RFC3: variants seen among roughly 807,000 people sequenced by gnomAD.
The protein encoded by RFC3 is replication factor C subunit 3.
A neutral mutation model predicts 45.1 loss-of-function variants in RFC3; 41 were observed. The observed-to-expected ratio is 0.91, with a 90% CI of 0.71 to 1.18. RFC3 has a LOEUF of 1.18. Ranked by LOEUF, RFC3 falls within the 50% of genes most tolerant of loss-of-function variation. The pLI is 0.00. For synonymous variants in RFC3, 149 were observed against 144.0 expected, an observed-to-expected ratio of 1.03 and a Z score of -0.25; for missense variants, 423 against 428.1, an observed-to-expected ratio of 0.99 and a Z score of 0.10.
chr13:33,835,271 G>C (rs756881076), intron 8 of RFC3, 54 bp downstream of exon 8: 1 of 1,126,780 alleles, frequency 8.9e-7, no homozygotes, highest in Non-Finnish European at 1.4e-6. Context: ...TGGACGCTGG[G>C]TGTGTGATCA....
At chr13:33,818,881 GTTTTTTT>G (rs72236854) in intron 1 of RFC3, among the ~76,000 whole-genome samples, 5 of 112,034 alleles carry the variant, frequency 4.5e-5, no homozygotes, top group South Asian at 2.7e-4. Context: ...CCTGAGATTA[GTTTTTTT>G]TTTTTTTTTT....
intron 8 of RFC3, among the ~76,000 whole-genome samples, chr13:33,877,059 G>A (rs1167921928): frequency 6.6e-6 from 1 of 152,170 alleles, no homozygotes; most frequent in Non-Finnish European, 1.5e-5. Context: ...ACTATTTATT[G>A]ATGGCTTACT....
chr13:33,878,595 G>A (rs1478115609), intron 8 of RFC3, among the ~76,000 whole-genome samples: 1 of 152,152 alleles, frequency 6.6e-6, no homozygotes, highest in African/African-American at 2.4e-5. Context: ...TTGAGTTTGA[G>A]GTGTGTGGTA....
At chr13:33,890,633 A>G (rs1056946527) in intron 8 of RFC3, among the ~76,000 whole-genome samples, 6 of 152,106 alleles carry the variant, frequency 3.9e-5, no homozygotes, top group South Asian at 2.1e-4. Context: ...ATCATTTACT[A>G]TGTTTGTGTC....
downstream of RFC3, among the ~76,000 whole-genome samples, chr13:33,967,083 G>A (rs1374050194): frequency 6.6e-6 from 1 of 152,004 alleles, no homozygotes; most frequent in Non-Finnish European, 1.5e-5. Context: ...CTAGATCCCA[G>A]GAGATAGAGG....
Position 33,836,563 on chromosome 13 carries a change from A to G in RFC3, c.*268A>G. The stretch of plus-strand genomic sequence containing the variant: ...TTAAGCATTGGTTATTCAAGTATTC[A>G]TTGTTGATCCTCCTATTCTCTTCCG... On this transcript the variant is annotated 3_prime_UTR_variant, in exon 9 of 9. Coordinates refer to ENST00000380071, the MANE Select transcript of RFC3 (RefSeq NM_002915.4). 2 of 1,137,644 alleles carry G rather than the reference A, an allele frequency of 1.8e-6. No homozygotes were observed. The highest frequency in any genetic ancestry group is 3.7e-4 in the Middle Eastern group (1 of 2,676). 70.5% of individuals were successfully genotyped at this position (1,137,644 alleles called of 1,614,324 possible).
At chr13:33,850,775 GAATT>G (rs937427305) in intron 8 of RFC3, 183 of 152,182 alleles carry the variant, frequency 1.2e-3, no homozygotes, top group African/African-American at 4.2e-3. Context: ...ATACATCACT[GAATT>G]AAGTTAGTTT....
At chr13:33,971,959 A>G in the RFC3 span, among the ~76,000 whole-genome samples, 2 of 132 alleles carry the variant, frequency 0.015, no homozygotes, top group Non-Finnish European at 0.048. Flanking sequence ...TAAAAATACA[A>G]AAAAAATTAG....
At chr13:33,848,257 A>G (rs777055135) in intron 8 of RFC3, 2 of 151,988 alleles carry the variant, frequency 1.3e-5, no homozygotes, top group Admixed American at 1.3e-4. Context: ...ATTCTTTTCC[A>G]TGTTCTACAG....
At chr13:33,896,183 A>G (rs1158151919) in intron 8 of RFC3, among the ~76,000 whole-genome samples, 1 of 151,328 alleles carries the variant, frequency 6.6e-6, no homozygotes, top group Non-Finnish European at 1.5e-5. Flanking sequence ...ATATATGTAT[A>G]TATATAATTT....
intron 8 of RFC3, chr13:33,848,116 A>T (rs948349570): frequency 6.6e-6 from 1 of 152,184 alleles, no homozygotes; most frequent in Non-Finnish European, 1.5e-5. Context: ...GCATCTAAAC[A>T]CCTATCTGAC....
At chr13:33,884,628 A>G (rs1293196153) in intron 8 of RFC3, among the ~76,000 whole-genome samples, 1 of 152,212 alleles carries the variant, frequency 6.6e-6, no homozygotes, top group Non-Finnish European at 1.5e-5. Flanking sequence ...TTACATCCAG[A>G]GCCCGCTCAC....
Position 33,860,250 on chromosome 13 carries a change from T to C in RFC3, c.879+25033T>C, listed in dbSNP as rs529371054. Among the ~76,000 whole-genome samples, 8 of 151,348 alleles carry C rather than the reference T, an allele frequency of 5.3e-5. No homozygotes were observed. The South Asian group carries it at 1.5e-3, about 28-fold the overall frequency. On this transcript the variant is annotated intron_variant, in intron 8 of 8. Transcript: ENST00000434425. ...GTGTTGCACTTTTTTTTTTTTCTTT[T>C]GAGAAGGAAAAAAGCCAGGAGAGAA...
At chr13:33,821,413 G>A in intron 2 of RFC3, 144 bp downstream of exon 2, 1 of 785,116 alleles carries the variant, frequency 1.3e-6, no homozygotes, top group Non-Finnish European at 2.1e-6. Flanking sequence ...CAGGATTTGA[G>A]AGCTACTGAT....
chr13:33,951,389 G>A (rs2082990307), intron 8 of RFC3, among the ~76,000 whole-genome samples: 1 of 151,766 alleles, frequency 6.6e-6, no homozygotes, highest in Admixed American at 6.6e-5. Context: ...ATGCCACCAC[G>A]CCTGGCTAAT....
At chr13:33,879,785 G>A (rs539098410) in intron 8 of RFC3, among the ~76,000 whole-genome samples, 16 of 152,268 alleles carry the variant, frequency 1.1e-4, no homozygotes, top group South Asian at 6.2e-4. Context: ...GTAGAAGTCC[G>A]CGCTGATTTT....
chr13:33,925,204 A>C (rs1382465613), intron 8 of RFC3, among the ~76,000 whole-genome samples: 2 of 130,846 alleles, frequency 1.5e-5, no homozygotes, highest in East Asian at 4.7e-4. Flanking sequence ...CTATATACAT[A>C]CACATATAGT....
rs765923481 is a variant in RFC3 at position 33,836,268 on chromosome 13, G to A, written c.1044G>A (p.Glu348=). The A allele has an allele frequency of 1.7e-5, 27 of 1,613,004 alleles. No homozygotes were observed. The highest frequency in any genetic ancestry group is 2.2e-5 in the Non-Finnish European group (26 of 1,179,278). Residue 348 remains glutamate (E), a synonymous_variant, in exon 9 of 9, where the codon GAG becomes GAA. Coordinates refer to ENST00000380071, the MANE Select transcript of RFC3 (RefSeq NM_002915.4). ...TGGCACTTTATAAGAAGTTCATGGA[G>A]GATGGATTGGAAGGCATGATGTTCT... ...KFMALYKKFM[E]DGLEGMMF
intron 8 of RFC3, among the ~76,000 whole-genome samples, chr13:33,919,388 G>T: frequency 6.6e-6 from 1 of 151,912 alleles, no homozygotes; most frequent in East Asian, 1.9e-4. Context: ...TTCTCTGTAA[G>T]TGATTATTTC....
Sources: allele counts gnomAD v4.1 joint callset (sites outside exome capture counted in the v4.1 genomes callset), GRCh38; gene constraint gnomAD v4.1.1; transcripts MANE v1.5; gene names NCBI Gene and HGNC (gene_info 2026-07-23, HGNC 2026-07-21).